The following ATP2C1 variants were observed in gnomAD, a reference collection of about 807,000 sequenced individuals.
The protein encoded by ATP2C1 is calcium-transporting ATPase type 2C member 1.
ATP2C1 carries 31 observed loss-of-function variants against 120.5 expected under a neutral mutation model. The ratio of observed to expected loss-of-function variants is 0.26; its 90% CI spans 0.19 to 0.35. The LOEUF (loss-of-function observed/expected upper bound fraction) is 0.35. ATP2C1 is among the 10% of genes least tolerant of loss of function. The pLI is 1.00. For missense variants in ATP2C1, 731 were observed against 1,107.5 expected (o/e 0.66, Z 4.83); for synonymous variants, 351 against 358.7 (o/e 0.98, Z 0.24).
intron 2 of ATP2C1, among the ~76,000 whole-genome samples, chr3:130,922,257 A>G (rs1208366455): frequency 3.9e-5 from 6 of 152,162 alleles, no homozygotes; most frequent in Non-Finnish European, 5.9e-5. Flanking sequence ...AAAAGTGTTC[A>G]TAGTAGCCTT....
intron 8 of ATP2C1, among the ~76,000 whole-genome samples, chr3:130,953,601 G>A (rs2060461687): frequency 6.6e-6 from 1 of 152,090 alleles, no homozygotes; most frequent in African/African-American, 2.4e-5. Flanking sequence ...CTAGTCTCAT[G>A]GTACAGCATT....
chr3:131,003,388 C>G (rs1221323212), downstream of ATP2C1, among the ~76,000 whole-genome samples: 2 of 152,170 alleles, frequency 1.3e-5, no homozygotes, highest in African/African-American at 4.8e-5. Flanking sequence ...ACCCTATTTC[C>G]TAATCCTAGG....
chr3:130,862,314 CTTTATTTATTTA>C lies in ATP2C1; in HGVS notation c.108+11418_108+11429del, dbSNP rs56326023. Among the ~76,000 whole-genome samples the C allele has an allele frequency of 9.3e-3, 1,281 of 138,072 alleles. 5 individuals are homozygous for C. The highest frequency in any genetic ancestry group is 0.012 in the Non-Finnish European group (789 of 64,360). 90.6% of individuals were successfully genotyped at this position (138,072 alleles called of 152,430 possible). A position where few individuals can be genotyped will look rare whatever the true frequency, so the allele number is the denominator to read the frequency against. On this transcript the variant is annotated intron_variant, in intron 1 of 26. Transcript: ENST00000504381. ...TTTATTTATTATACTTACTTATTCA[CTTTATTTATTTA>C]TTTATTTATTTATTTATTTATTTAT... is the stretch of plus-strand genomic sequence containing the variant.
chr3:130,925,050 G>A (rs770911219), intron 2 of ATP2C1, among the ~76,000 whole-genome samples: 6 of 151,988 alleles, frequency 3.9e-5, no homozygotes, highest in Non-Finnish European at 5.9e-5. Flanking sequence ...CTTAATAATT[G>A]ACCTTCTAAA....
Position 131,002,224 on chromosome 3 carries a change from A to G in ATP2C1, c.*874A>G. On this transcript the variant is annotated 3_prime_UTR_variant, in exon 28 of 28. Transcript: ENST00000510168. The stretch of plus-strand genomic sequence containing the variant: ...ATACTTTGTCAAATATCATTTTGTC[A>G]TCCTCTAAATATAAATCCAAATACC... 1 of 966,720 alleles carries G rather than the reference A, an allele frequency of 1.0e-6. No homozygotes were observed. The allele number at this position is 966,720 out of a possible 1,614,324, so 59.9% of individuals were successfully genotyped here. A position where few individuals can be genotyped will look rare whatever the true frequency, so the allele number is the denominator to read the frequency against.
intron 1 of ATP2C1, among the ~76,000 whole-genome samples, chr3:130,883,648 C>T (rs372009997): frequency 1.2e-4 from 18 of 152,000 alleles, no homozygotes; most frequent in African/African-American, 2.4e-4. Context: ...GACAGGGTTT[C>T]GCCATGTTGT....
chr3:130,868,311 C>T, intron 1 of ATP2C1: 2 of 137,382 alleles, frequency 1.5e-5, no homozygotes, highest in Non-Finnish European at 3.2e-5. Flanking sequence ...CTCTGCCTGG[C>T]CGCCCCTACT....
chr3:130,946,501 C>G (rs1396671210), intron 8 of ATP2C1, among the ~76,000 whole-genome samples: 1 of 152,200 alleles, frequency 6.6e-6, no homozygotes, highest in Admixed American at 6.5e-5. Flanking sequence ...GAAATAATCT[C>G]CTTGACTGGA....
At chr3:130,966,852 A>G (rs928257005) in intron 14 of ATP2C1, among the ~76,000 whole-genome samples, 12 of 152,204 alleles carry the variant, frequency 7.9e-5, no homozygotes, top group South Asian at 2.1e-4. Flanking sequence ...GTAATGTCAT[A>G]TAAGTTTAAG....
chr3:131,016,705 C>G, downstream of ATP2C1: 1 of 320,186 alleles, frequency 3.1e-6, no homozygotes, highest in Non-Finnish European at 6.0e-6. Flanking sequence ...TGTTCTCTTT[C>G]ACCGAAACTC....
chr3:130,932,170 T>C (rs757511024), intron 4 of ATP2C1, 32 bp downstream of exon 4: 1 of 1,231,394 alleles, frequency 8.1e-7, no homozygotes, highest in Non-Finnish European at 1.2e-6. Flanking sequence ...TTCTACTGTG[T>C]AATTTATTAA....
intron 2 of ATP2C1, among the ~76,000 whole-genome samples, chr3:130,906,345 T>G (rs1386179261): frequency 3.3e-5 from 5 of 152,122 alleles, no homozygotes; most frequent in Admixed American, 6.6e-5. Flanking sequence ...TGACCTTTTA[T>G]GTCTGGCTTC....
intron 5 of ATP2C1, among the ~76,000 whole-genome samples, chr3:130,935,699 G>A (rs977416352): frequency 1.3e-5 from 2 of 152,200 alleles, no homozygotes; most frequent in African/African-American, 2.4e-5. Context: ...GAAACTGTTA[G>A]AGCCTTAGCA....
At position 131,003,011 on chromosome 3, in the gene ATP2C1, CA is replaced by C; in HGVS notation, c.*1664del. 2 of 985,654 alleles carry C rather than the reference CA, an allele frequency of 2.0e-6. No individual in the cohort carries two copies. Among genetic ancestry groups the C allele is most frequent in the South Asian group, 9.4e-5 (2 of 21,288 alleles). 61.1% of individuals were successfully genotyped at this position (985,654 alleles called of 1,614,324 possible). A position where few individuals can be genotyped will look rare whatever the true frequency, so the allele number is the denominator to read the frequency against. Reference sequence around the variant, plus strand: ...TTGTAATGATTTTTATTCTCTGTTACAAAGACTTGAAATACGTATTAAATGC... The same window carrying C: ...TTGTAATGATTTTTATTCTCTGTTACAAGACTTGAAATACGTATTAAATGC... On this transcript the variant is annotated 3_prime_UTR_variant, in exon 28 of 28. Transcript: ENST00000510168.
In ATP2C1 at chr3:130,894,876, AT is replaced by A; in HGVS notation, c.6+104del. 1 of 1,235,458 alleles carries A rather than the reference AT, an allele frequency of 8.1e-7. No individual in the cohort carries two copies. The highest frequency in any genetic ancestry group is 1.2e-6 in the Non-Finnish European group (1 of 835,062). The allele number at this position is 1,235,458 out of a possible 1,614,324, so 76.5% of individuals were successfully genotyped here. A position where few individuals can be genotyped will look rare whatever the true frequency, so the allele number is the denominator to read the frequency against. On this transcript the variant is annotated intron_variant, in intron 2 of 27. Coordinates refer to ENST00000510168, the MANE Select transcript of ATP2C1 (RefSeq NM_001378687.1). The surrounding 1 kb of genome is among the most constrained non-coding windows in gnomAD (Gnocchi z 4.5). ...TCCACCTTTTTATTTTCGTGAGCTTATTTATTTACTGTGTATGTGAAGTGTC... is the reference window on the plus strand; with the variant it reads ...TCCACCTTTTTATTTTCGTGAGCTTATTATTTACTGTGTATGTGAAGTGTC...
At chr3:130,926,476 A>G (rs973193074) in intron 2 of ATP2C1, among the ~76,000 whole-genome samples, 6 of 152,264 alleles carry the variant, frequency 3.9e-5, no homozygotes, top group Admixed American at 3.9e-4. Flanking sequence ...TCCAAGACCC[A>G]GTATGTGTTA....
intron 1 of ATP2C1, among the ~76,000 whole-genome samples, chr3:130,863,868 T>C (rs954353048): frequency 6.6e-6 from 1 of 152,206 alleles, no homozygotes; most frequent in Non-Finnish European, 1.5e-5. Context: ...CATGTGGAAA[T>C]GTAAGTCCAA....
At chr3:130,983,273 A>AGT (rs1243373177) in intron 20 of ATP2C1, among the ~76,000 whole-genome samples, 1 of 152,192 alleles carries the variant, frequency 6.6e-6, no homozygotes, top group Non-Finnish European at 1.5e-5. Context: ...TACCTTATGA[A>AGT]AGATAGGCAG....
At chr3:130,979,696 A>T (rs1264489197) in intron 19 of ATP2C1, among the ~76,000 whole-genome samples, 1 of 152,150 alleles carries the variant, frequency 6.6e-6, no homozygotes, top group South Asian at 2.1e-4. Context: ...CTGTGATGAC[A>T]GAGTAAAAGC....
Sources: gnomAD v4.1 joint callset for allele counts (sites outside exome capture counted in the v4.1 genomes callset) on GRCh38, gnomAD v4.1.1 for gene constraint, Gnocchi (gnomAD v3.1) non-coding constraint, MANE v1.5 for transcripts, NCBI Gene and HGNC (gene_info 2026-07-23, HGNC 2026-07-21) for gene names.